The following IL1RL1 variants were observed in gnomAD, a reference collection of about 807,000 sequenced individuals.
The protein encoded by IL1RL1 is interleukin 1 receptor like 1.
A neutral mutation model predicts 50.9 loss-of-function variants in IL1RL1; 32 were observed. The ratio of observed to expected loss-of-function variants is 0.63; its 90% CI spans 0.47 to 0.84. IL1RL1 has a LOEUF of 0.84. Ranked by LOEUF, IL1RL1 falls within the 40% of genes least tolerant of loss-of-function variation. The pLI is 0.00. For missense variants in IL1RL1, 773 were observed against 662.9 expected (o/e 1.17, Z -1.82); for synonymous variants, 275 against 236.0 (o/e 1.17, Z -1.51).
chr2:102,334,280 C>T lies in IL1RL1; in HGVS notation c.-149-3836C>T, dbSNP rs116734831. On this transcript the variant is annotated intron_variant, in intron 1 of 10. Transcript: ENST00000233954. Reference sequence around the variant, plus strand: ...GAGTTTTTGATAATAGCCATTCAGACGGGTCTTCTGGTTTTTGGAGGGGAG... The same window carrying T: ...GAGTTTTTGATAATAGCCATTCAGATGGGTCTTCTGGTTTTTGGAGGGGAG... 1.8e-3 allele frequency among the ~76,000 whole-genome samples: 275 copies of T among 152,092 alleles called. 3 individuals are homozygous for T. Among genetic ancestry groups the T allele is most frequent in the African/African-American group, 6.3e-3 (261 of 41,484 alleles).
Position 102,340,821 on chromosome 2 carries a change from G to T in IL1RL1, c.603G>T (p.Thr201=), listed in dbSNP as rs201621624. ...NYSVTATRSF[T]VKDEQGFSLF... Reference sequence around the variant, plus strand: ...GTGTGACGGCGACCAGGTCCTTCACGGTCAAGGGTAAGCTACTGACATTAA... The same window carrying T: ...GTGTGACGGCGACCAGGTCCTTCACTGTCAAGGGTAAGCTACTGACATTAA... The change falls in exon 5 of 11, where the codon ACG becomes ACT. Residue 201 remains threonine (T), a synonymous_variant. Coordinates refer to ENST00000233954, the MANE Select transcript of IL1RL1 (RefSeq NM_016232.5). 35 of 1,572,244 alleles carry T rather than the reference G, an allele frequency of 2.2e-5. No homozygotes were observed. The highest frequency in any genetic ancestry group is 2.8e-5 in the African/African-American group (2 of 71,516).
chr2:102,328,593 A>T (rs1176585768), intron 1 of IL1RL1, among the ~76,000 whole-genome samples: 1 of 152,180 alleles, frequency 6.6e-6, no homozygotes, highest in African/African-American at 2.4e-5. Flanking sequence ...ACATGATTGT[A>T]TATCTAGAAA....
intron 8 of IL1RL1, chr2:102,346,088 A>G: frequency 1.0e-6 from 1 of 959,036 alleles, no homozygotes; most frequent in Non-Finnish European, 1.2e-6. Context: ...AACACAAATT[A>G]TTACTACTGC....
chr2:102,322,584 A>G (rs1459179921), intron 1 of IL1RL1, among the ~76,000 whole-genome samples: 2 of 152,214 alleles, frequency 1.3e-5, no homozygotes, highest in Non-Finnish European at 2.9e-5. Flanking sequence ...CCCGACTTCA[A>G]TACAGTTCTC....
intron 9 of IL1RL1, 74 bp downstream of exon 9, chr2:102,348,165 C>A: frequency 1.7e-6 from 2 of 1,147,740 alleles, no homozygotes; most frequent in East Asian, 2.4e-5. Flanking sequence ...GTCTATTAAT[C>A]TTTCAGTAGC....
chr2:102,343,330 G>T lies in IL1RL1; in HGVS notation c.885G>T (p.Glu295Asp), dbSNP rs752958696. The change falls in exon 8 of 11, where the codon GAG (glutamate) becomes GAT (aspartate). Residue 295 changes from glutamate (E) to aspartate (D), a missense_variant. By Grantham distance (45) the Glu-to-Asp change is conservative. Transcript: ENST00000233954. ...TAAGAATAGCTGACGTGAAGGAAGA[G>T]GATTTATTGCTGCAGTACGACTGTC... is the stretch of plus-strand genomic sequence containing the variant. ...MVLRIADVKE[E>D]DLLLQYDCLA... is the part of the protein sequence containing the mutation. The T allele has an allele frequency of 6.2e-7, 1 of 1,614,218 alleles. No homozygotes were observed.
At chr2:102,324,750 G>T (rs372599628) in intron 1 of IL1RL1, among the ~76,000 whole-genome samples, 2 of 152,162 alleles carry the variant, frequency 1.3e-5, no homozygotes, top group Non-Finnish European at 2.9e-5. Flanking sequence ...AGCCTCGCTC[G>T]TTGCTAGCAG....
intron 1 of IL1RL1, among the ~76,000 whole-genome samples, chr2:102,320,501 T>A (rs1259405675): frequency 2.0e-5 from 3 of 152,130 alleles, no homozygotes; most frequent in East Asian, 3.8e-4. Context: ...GCCCAATATG[T>A]CTCCTGAATT....
In IL1RL1 at chr2:102,351,958, G is replaced by C. The variant is rs371673572; in HGVS notation, c.*37G>C. The C allele has an allele frequency of 1.3e-6, 2 of 1,563,644 alleles. No homozygotes were observed. The highest frequency in any genetic ancestry group is 1.7e-6 in the Non-Finnish European group (2 of 1,156,636). On this transcript the variant is annotated 3_prime_UTR_variant, in exon 11 of 11. Transcript: ENST00000233954. Reference sequence around the variant, plus strand: ...ATGTGCAAAGGCATCTGAGTTTGAAGCTTTCCTGACTTCTCCTAGCTGGCT... The same window carrying C: ...ATGTGCAAAGGCATCTGAGTTTGAACCTTTCCTGACTTCTCCTAGCTGGCT...
chr2:102,313,440 A>T (rs1196039481), intron 1 of IL1RL1: 1 of 152,082 alleles, frequency 6.6e-6, no homozygotes, highest in Non-Finnish European at 1.5e-5. Context: ...TGTTTAGGTG[A>T]GGAGATTGAT....
intron 1 of IL1RL1, among the ~76,000 whole-genome samples, chr2:102,316,948 T>G (rs1676690688): frequency 6.6e-6 from 1 of 152,218 alleles, no homozygotes; most frequent in Non-Finnish European, 1.5e-5. Context: ...TACAACTCGC[T>G]CAGCACTTGT....
intron 1 of IL1RL1, among the ~76,000 whole-genome samples, chr2:102,332,066 T>G (rs1300039163): frequency 6.6e-6 from 1 of 152,080 alleles, no homozygotes; most frequent in East Asian, 1.9e-4. Flanking sequence ...AGACCTTGCC[T>G]CAGAAATAAT....
In IL1RL1 at chr2:102,351,934, T is replaced by C. The variant is rs1220964640; in HGVS notation, c.*13T>C. ...CCAGAAGCAATAGTGCCTGCTGTGATGTGCAAAGGCATCTGAGTTTGAAGC... is the reference window on the plus strand; with the variant it reads ...CCAGAAGCAATAGTGCCTGCTGTGACGTGCAAAGGCATCTGAGTTTGAAGC... On this transcript the variant is annotated 3_prime_UTR_variant, in exon 11 of 11. Transcript: ENST00000233954. 1 of 1,589,144 alleles carries C rather than the reference T, an allele frequency of 6.3e-7. No individual in the cohort carries two copies. Among genetic ancestry groups the C allele is most frequent in the African/African-American group, 1.4e-5 (1 of 73,956 alleles).
At chr2:102,350,972 C>CAA (rs1374701775) in intron 10 of IL1RL1, among the ~76,000 whole-genome samples, 6 of 152,110 alleles carry the variant, frequency 3.9e-5, no homozygotes, top group Non-Finnish European at 8.8e-5. Flanking sequence ...TGTATAAATG[C>CAA]CAAATGGGAA....
chr2:102,342,534 T>A (rs946552473), intron 6 of IL1RL1, among the ~76,000 whole-genome samples: 9 of 152,218 alleles, frequency 5.9e-5, no homozygotes, highest in Non-Finnish European at 1.2e-4. Context: ...CTTTCATGTA[T>A]GCATCTAATT....
At position 102,348,054 on chromosome 2, in the gene IL1RL1, C is replaced by A; in HGVS notation, c.1080C>A (p.Leu360=). The change falls in exon 9 of 11, where the codon CTC becomes CTA. Residue 360 remains leucine (L), a synonymous_variant. Transcript: ENST00000233954. ...TGTTCTGGATTGAGGCCACTCTGCT[C>A]TGGAGAGACATAGCTAAACCTTACA... ...LKMFWIEATL[L]WRDIAKPYKT... 1 of 1,613,220 alleles carries A rather than the reference C, an allele frequency of 6.2e-7. No individual in the cohort carries two copies. The highest frequency in any genetic ancestry group is 1.1e-5 in the South Asian group (1 of 91,050).
chr2:102,338,701 T>G (rs1677423835), intron 2 of IL1RL1, 136 bp from the exon 3 acceptor site: 2 of 667,128 alleles, frequency 3.0e-6, no homozygotes, highest in Admixed American at 5.8e-5. Context: ...TCTTAACAGT[T>G]ACTTATTCTT....
In IL1RL1 at chr2:102,343,342, G is replaced by T. The variant is rs781336039; in HGVS notation, c.897G>T (p.Leu299=). The T allele has an allele frequency of 6.2e-7, 1 of 1,614,090 alleles. No individual in the cohort carries two copies. The highest frequency in any genetic ancestry group is 1.3e-5 in the African/African-American group (1 of 74,936). The change falls in exon 8 of 11, where the codon CTG becomes CTT. Residue 299 remains leucine (L), a synonymous_variant. Transcript: ENST00000233954. ...ACGTGAAGGAAGAGGATTTATTGCTGCAGTACGACTGTCTGGCCCTGAATT... is the reference window on the plus strand; with the variant it reads ...ACGTGAAGGAAGAGGATTTATTGCTTCAGTACGACTGTCTGGCCCTGAATT... ...IADVKEEDLL[L]QYDCLALNLH...
At chr2:102,344,174 C>G (rs1677695664) in intron 8 of IL1RL1, 1 of 156,750 alleles carries the variant, frequency 6.4e-6, no homozygotes, top group Non-Finnish European at 1.4e-5. Flanking sequence ...ACAGCCAGAT[C>G]TCATGAGAAG....
Sources: allele counts gnomAD v4.1 joint callset (sites outside exome capture counted in the v4.1 genomes callset), GRCh38; gene constraint gnomAD v4.1.1; transcripts MANE v1.5; gene names NCBI Gene and HGNC (gene_info 2026-07-23, HGNC 2026-07-21).